The following STK32B variants were observed in gnomAD, a reference collection of about 807,000 sequenced individuals.
The protein encoded by STK32B is serine/threonine kinase 32B, also known as serine/threonine-protein kinase 32B.
Under a neutral mutation model 52.6 loss-of-function variants are expected in STK32B, and 43 were observed. That is an observed-to-expected ratio of 0.82 (90% CI 0.64 to 1.05). STK32B has a LOEUF of 1.05. STK32B is among the 50% of genes least tolerant of loss of function. The pLI is 0.00. For synonymous variants in STK32B, 238 were observed against 204.3 expected, an observed-to-expected ratio of 1.17 and a Z score of -1.41; for missense variants, 621 against 534.6, an observed-to-expected ratio of 1.16 and a Z score of -1.59.
At chr4:5,221,568 C>G (rs1468621602) in intron 3 of STK32B, among the ~76,000 whole-genome samples, 1 of 152,172 alleles carries the variant, frequency 6.6e-6, no homozygotes, top group Non-Finnish European at 1.5e-5. Flanking sequence ...ATAGCAGATG[C>G]TGTCAGTGCT....
intron 1 of STK32B, among the ~76,000 whole-genome samples, chr4:5,116,298 C>T (rs1262000122): frequency 1.3e-5 from 2 of 152,068 alleles, no homozygotes; most frequent in African/African-American, 2.4e-5. Context: ...AGAAGGGCCC[C>T]GTGCTTGGTT....
chr4:5,375,894 A>G (rs1735557412), intron 4 of STK32B, among the ~76,000 whole-genome samples: 1 of 152,182 alleles, frequency 6.6e-6, no homozygotes, highest in South Asian at 2.1e-4. Flanking sequence ...CAGGGAAGGA[A>G]GTAGGGGTTG....
intron 1 of STK32B, among the ~76,000 whole-genome samples, chr4:5,136,736 T>C (rs1164443681): frequency 6.6e-6 from 1 of 152,220 alleles, no homozygotes; most frequent in Admixed American, 6.5e-5. Context: ...TTTCATTGAC[T>C]GAAGCCATTT....
chr4:5,488,223 G>A (rs142557256), intron 11 of STK32B, among the ~76,000 whole-genome samples: 15 of 152,216 alleles, frequency 9.9e-5, no homozygotes, highest in African/African-American at 1.7e-4. Context: ...ACTTGAACCC[G>A]GGAGGCAGAG....
intron 1 of STK32B, among the ~76,000 whole-genome samples, chr4:5,096,978 C>A (rs1197044049): frequency 6.6e-6 from 1 of 152,222 alleles, no homozygotes; most frequent in African/African-American, 2.4e-5. Flanking sequence ...TATTCTTCCT[C>A]TACAGAAGAG....
chr4:5,455,531 T>C (rs1716426191), intron 7 of STK32B, among the ~76,000 whole-genome samples: 1 of 152,188 alleles, frequency 6.6e-6, no homozygotes, highest in Non-Finnish European at 1.5e-5. Flanking sequence ...AGGGCTGGGC[T>C]TCTTGGAACT....
chr4:5,031,147 C>T, the STK32B span, among the ~76,000 whole-genome samples: 1 of 152,092 alleles, frequency 6.6e-6, no homozygotes, highest in Admixed American at 6.5e-5. Context: ...GGACGAGGCC[C>T]ACCCACATTA....
chr4:5,134,144 CAG>C (rs995100291), intron 1 of STK32B, among the ~76,000 whole-genome samples: 3 of 152,302 alleles, frequency 2.0e-5, no homozygotes, highest in African/African-American at 7.2e-5. Flanking sequence ...AGTGGTGAAT[CAG>C]AGAATATTGT....
At chr4:5,280,418 A>C (rs1231103156) in intron 3 of STK32B, among the ~76,000 whole-genome samples, 1 of 152,108 alleles carries the variant, frequency 6.6e-6, no homozygotes, top group African/African-American at 2.4e-5. Context: ...GGAAGTTCCA[A>C]ACTTTCCCTC....
intron 4 of STK32B, among the ~76,000 whole-genome samples, chr4:5,361,129 A>G (rs574009360): frequency 3.2e-4 from 49 of 152,296 alleles, no homozygotes; most frequent in African/African-American, 1.1e-3. Context: ...TGCAAGGTTC[A>G]TATATGTTGT....
At chr4:5,139,807 C>T in intron 1 of STK32B, 98 bp from the exon 2 acceptor site, 1 of 1,413,924 alleles carries the variant, frequency 7.1e-7, no homozygotes, top group South Asian at 1.2e-5. Context: ...ACCCAAGAGC[C>T]TTTGGAATAG....
chr4:5,335,737 C>G (rs993181630), intron 4 of STK32B, among the ~76,000 whole-genome samples: 32 of 152,076 alleles, frequency 2.1e-4, no homozygotes, highest in Admixed American at 1.3e-4. Context: ...TCGTTATGTA[C>G]CCGGTAGTCT....
intron 3 of STK32B, among the ~76,000 whole-genome samples, chr4:5,262,461 TAA>T (rs35348662): frequency 1.4e-5 from 2 of 140,700 alleles, no homozygotes; most frequent in Non-Finnish European, 1.6e-5. Context: ...CCGTCTCTAC[TAA>T]AAAAAAAAAA....
At chr4:5,472,979 C>CA (rs1717956234) in intron 11 of STK32B, among the ~76,000 whole-genome samples, 1 of 152,058 alleles carries the variant, frequency 6.6e-6, no homozygotes, top group African/African-American at 2.4e-5. Flanking sequence ...CAGACAGTGA[C>CA]AATCAAAAAT....
chr4:5,370,631 G>T (rs1226335650), intron 4 of STK32B, among the ~76,000 whole-genome samples: 1 of 152,060 alleles, frequency 6.6e-6, no homozygotes, highest in Admixed American at 6.6e-5. Flanking sequence ...CCCTAGTGTT[G>T]CTATGTACTG....
At position 5,499,043 on chromosome 4, in the gene STK32B, ACCT is replaced by A; in HGVS notation, c.1210_1212del (p.Leu404del). The A allele has an allele frequency of 6.2e-7, 1 of 1,612,558 alleles. No individual in the cohort carries two copies. Reference sequence around the variant, plus strand: ...AAGCTCCAGGACGGGTGCAACAACAACCTCCTCACCCACACCTGCACCCGTGGC... The same window carrying A: ...AAGCTCCAGGACGGGTGCAACAACAACCTCACCCACACCTGCACCCGTGGC... On this transcript the variant is annotated inframe_deletion, in exon 12 of 12. Coordinates refer to ENST00000282908, the MANE Select transcript of STK32B (RefSeq NM_018401.3).
intron 11 of STK32B, among the ~76,000 whole-genome samples, chr4:5,485,784 T>C (rs1023653769): frequency 2.0e-5 from 3 of 152,236 alleles, no homozygotes; most frequent in Non-Finnish European, 4.4e-5. Context: ...GTACTTTCTG[T>C]TTGTTAGTTT....
chr4:5,140,184 GTATT>G (rs1356674076), intron 2 of STK32B: 1 of 1,483,344 alleles, frequency 6.7e-7, no homozygotes, highest in Non-Finnish European at 9.1e-7. Context: ...AATTACAATG[GTATT>G]TATTTCAGGA....
chr4:5,171,046 T>G, intron 3 of STK32B, among the ~76,000 whole-genome samples: 1 of 152,262 alleles, frequency 6.6e-6, no homozygotes, highest in Non-Finnish European at 1.5e-5. Context: ...TTTGTATTTC[T>G]CTGATGACCA....
Sources: allele counts gnomAD v4.1 joint callset (sites outside exome capture counted in the v4.1 genomes callset), GRCh38; gene constraint gnomAD v4.1.1; transcripts MANE v1.5; gene names NCBI Gene and HGNC (gene_info 2026-07-23, HGNC 2026-07-21).